The following DNAH12 variants were observed in gnomAD, a reference collection of about 807,000 sequenced individuals.
DNAH12 encodes the protein axonemal beta dynein heavy chain 12.
DNAH12 carries 285 observed loss-of-function variants against 371.5 expected under a neutral mutation model. That is an observed-to-expected ratio of 0.77 (90% CI 0.70 to 0.85). The LOEUF (loss-of-function observed/expected upper bound fraction) is 0.85. Ranked by LOEUF, DNAH12 falls within the 40% of genes least tolerant of loss-of-function variation. The pLI is 0.00. For missense variants in DNAH12, 3,611 were observed against 3,689.4 expected, an observed-to-expected ratio of 0.98 and a Z score of 0.55; for synonymous variants, 1,200 against 1,213.0, an observed-to-expected ratio of 0.99 and a Z score of 0.22.
chr3:57,393,156 T>C (rs2063660766), intron 44 of DNAH12, among the ~76,000 whole-genome samples: 2 of 152,204 alleles, frequency 1.3e-5, no homozygotes, highest in Admixed American at 1.3e-4. Context: ...GAAGAACTCT[T>C]ATCTGTGCTG....
intron 13 of DNAH12, among the ~76,000 whole-genome samples, chr3:57,473,423 T>C (rs920985083): frequency 6.6e-6 from 1 of 151,806 alleles, no homozygotes; most frequent in Non-Finnish European, 1.5e-5. Flanking sequence ...GAGGTGGAGG[T>C]TGCAGTGGGC....
chr3:57,476,129 T>C (rs954463359), intron 13 of DNAH12, among the ~76,000 whole-genome samples: 6 of 152,072 alleles, frequency 3.9e-5, no homozygotes, highest in African/African-American at 1.4e-4. Flanking sequence ...ATTACTAACA[T>C]AACATTGATG....
intron 29 of DNAH12, among the ~76,000 whole-genome samples, chr3:57,438,787 T>TA (rs1400925333): frequency 6.6e-6 from 1 of 151,698 alleles, no homozygotes; most frequent in Non-Finnish European, 1.5e-5. Flanking sequence ...ACCCCATCTC[T>TA]ACTAAAAATA....
At chr3:57,340,516 T>TA (rs1553655709) in intron 60 of DNAH12, among the ~76,000 whole-genome samples, 3 of 152,104 alleles carry the variant, frequency 2.0e-5, no homozygotes, top group African/African-American at 4.8e-5. Flanking sequence ...GAGACTATTA[T>TA]AAACAATTAT....
intron 58 of DNAH12, among the ~76,000 whole-genome samples, chr3:57,360,176 A>G (rs990084408): frequency 6.6e-6 from 1 of 152,144 alleles, no homozygotes; most frequent in Admixed American, 6.5e-5. Flanking sequence ...ATGGACGGGT[A>G]TTGGGAAAGG....
chr3:57,415,202 G>T (rs1236118209), intron 38 of DNAH12, among the ~76,000 whole-genome samples: 1 of 150,800 alleles, frequency 6.6e-6, no homozygotes, highest in Non-Finnish European at 1.5e-5. Context: ...CTTCTTCTCA[G>T]GCTTAAAAAA....
intron 62 of DNAH12, among the ~76,000 whole-genome samples, chr3:57,328,242 G>T (rs2061998049): frequency 6.6e-6 from 1 of 151,694 alleles, no homozygotes; most frequent in Non-Finnish European, 1.5e-5. Context: ...ACCAAAGCCT[G>T]GCAGAGACAC....
At position 57,457,732 on chromosome 3, in the gene DNAH12, C is replaced by T; in HGVS notation, c.3325G>A (p.Ala1109Thr). The T allele has an allele frequency of 1.9e-6, 3 of 1,549,210 alleles. No individual in the cohort carries two copies. The highest frequency in any genetic ancestry group is 2.6e-6 in the Non-Finnish European group (3 of 1,144,926). ...CCTAGGAAACACACCAGCCTGGCTG[C>T]AGCGATCACATCGTGAACACTCCGG... ...MLRSVHDVIA[A>T]ARLAYPESAR... Residue 1109 changes from alanine to threonine, a missense_variant, in exon 22 of 74, where the codon GCA becomes ACA. Ala to Thr is a moderately conservative substitution (Grantham distance 58, BLOSUM62 0). This residue lies in a region of DNAH12 where 1,314 missense variants were observed against 1,398.7 expected (regional missense o/e 0.94). Coordinates refer to ENST00000495027, the MANE Select transcript of DNAH12 (RefSeq NM_001366028.2).
At chr3:57,453,618 G>A (rs116476615) in intron 23 of DNAH12, among the ~76,000 whole-genome samples, 3,956 of 151,322 alleles carry the variant, frequency 0.026, 69 homozygotes, top group Non-Finnish European at 0.034. Context: ...AGTCTCTGTC[G>A]CCCAGGCTGC....
the DNAH12 span, among the ~76,000 whole-genome samples, chr3:57,549,473 T>A: frequency 7.4e-6 from 1 of 135,576 alleles, no homozygotes; most frequent in East Asian, 2.3e-4. Context: ...GCCAAGATCA[T>A]GCCACTGCAC....
chr3:57,315,467 A>G (rs1329691711), intron 65 of DNAH12, among the ~76,000 whole-genome samples: 2 of 150,806 alleles, frequency 1.3e-5, no homozygotes, highest in African/African-American at 4.9e-5. Flanking sequence ...ACCTTTAGCA[A>G]TAAGAGCAAT....
chr3:57,448,326 T>C (rs2153371596), intron 25 of DNAH12, among the ~76,000 whole-genome samples: 1 of 151,994 alleles, frequency 6.6e-6, no homozygotes, highest in East Asian at 1.9e-4. Flanking sequence ...GTTACAGCTC[T>C]TAAGGCAGCA....
intron 13 of DNAH12, among the ~76,000 whole-genome samples, chr3:57,475,243 A>G (rs1258445127): frequency 6.6e-6 from 1 of 152,178 alleles, no homozygotes; most frequent in Non-Finnish European, 1.5e-5. Flanking sequence ...AAAACACAGA[A>G]AGCACTAGGT....
At chr3:57,409,822 T>C (rs962680154) in intron 39 of DNAH12, among the ~76,000 whole-genome samples, 3 of 152,156 alleles carry the variant, frequency 2.0e-5, no homozygotes, top group Non-Finnish European at 2.9e-5. Flanking sequence ...TTCATCCTAA[T>C]TAAAAGGTGC....
At chr3:57,519,958 C>G (rs2068349306) in intron 4 of DNAH12, 2 of 866,300 alleles carry the variant, frequency 2.3e-6, no homozygotes, top group Non-Finnish European at 3.9e-6. Flanking sequence ...GCCTGCGCTC[C>G]TGGAGTGAGA....
intron 48 of DNAH12, 47 bp downstream of exon 48, chr3:57,385,302 C>G (rs2063479202): frequency 6.6e-6 from 1 of 152,172 alleles, no homozygotes; most frequent in African/African-American, 2.4e-5. Context: ...GCTAATTTTA[C>G]TTATTTCAAT....
At chr3:57,399,376 T>C (rs947747622) in intron 43 of DNAH12, among the ~76,000 whole-genome samples, 1 of 151,542 alleles carries the variant, frequency 6.6e-6, no homozygotes. Flanking sequence ...TCAAAAGACA[T>C]AGAGTGGCCA....
At chr3:57,521,212 G>C (rs2068427623) in intron 4 of DNAH12, among the ~76,000 whole-genome samples, 1 of 150,082 alleles carries the variant, frequency 6.7e-6, no homozygotes, top group Admixed American at 6.7e-5. Flanking sequence ...TTTTTTTATA[G>C]TTTTATGTTT....
At chr3:57,504,286 A>AT in intron 8 of DNAH12, 82 bp from the exon 9 acceptor site, 6 of 1,217,998 alleles carry the variant, frequency 4.9e-6, no homozygotes, top group Non-Finnish European at 5.6e-6. Context: ...ATAATTGTCT[A>AT]TATCTGATTA....
Sources: gnomAD v4.1 joint callset for allele counts (sites outside exome capture counted in the v4.1 genomes callset) on GRCh38, gnomAD v4.1.1 for gene constraint, gnomAD v4.1.1 regional missense constraint, MANE v1.5 for transcripts, NCBI Gene and HGNC (gene_info 2026-07-23, HGNC 2026-07-21) for gene names.